The following SLC22A23 variants were observed in gnomAD, a reference collection of about 807,000 sequenced individuals.
The protein encoded by SLC22A23 is ion transporter protein.
In SLC22A23, 26 loss-of-function variants were observed where a neutral mutation model predicts 61.0. That is an observed-to-expected ratio of 0.43 (90% CI 0.31 to 0.59). The LOEUF (loss-of-function observed/expected upper bound fraction) is 0.59. Ranked by LOEUF, SLC22A23 falls within the 20% of genes least tolerant of loss-of-function variation. SLC22A23 has a pLI of 0.11. For synonymous variants in SLC22A23, 430 were observed against 413.9 expected (o/e 1.04, Z -0.47); for missense variants, 796 against 934.7 (o/e 0.85, Z 1.94).
chr6:3,397,788 A>C (rs1342410503), intron 3 of SLC22A23, among the ~76,000 whole-genome samples: 1 of 152,186 alleles, frequency 6.6e-6, no homozygotes, highest in Non-Finnish European at 1.5e-5. Context: ...GGAGGTCTCA[A>C]GCCAAGATTC....
chr6:3,300,859 T>G (rs1293659023), intron 4 of SLC22A23, among the ~76,000 whole-genome samples: 1 of 152,340 alleles, frequency 6.6e-6, no homozygotes, highest in South Asian at 2.1e-4. Flanking sequence ...TCTGGAAGAC[T>G]TGGGAGCTTC....
intron 3 of SLC22A23, among the ~76,000 whole-genome samples, chr6:3,353,317 T>C (rs1278510492): frequency 2.6e-5 from 4 of 152,200 alleles, no homozygotes; most frequent in African/African-American, 9.6e-5. Flanking sequence ...AGATTTCCTA[T>C]ACCACAGCCA....
At chr6:3,449,691 G>A (rs1159601574) in intron 1 of SLC22A23, among the ~76,000 whole-genome samples, 1 of 152,144 alleles carries the variant, frequency 6.6e-6, no homozygotes, top group African/African-American at 2.4e-5. Flanking sequence ...GAGGGTGTAG[G>A]GAACAGAACC....
In SLC22A23 at chr6:3,317,313, T is replaced by C. The variant is rs1762698408; in HGVS notation, c.1082+6521A>G. On this transcript the variant is annotated intron_variant, in intron 4 of 9. Transcript: ENST00000406686. This position sits in a 1 kb window ranked among gnomAD's most constrained non-coding sequence, Gnocchi z 4.4. ...GAAGGAGCTCTGTCATTAAGCCATG[T>C]GCCCAGTGCAGGCTGTGGCCACCTG... 6.6e-6 allele frequency among the ~76,000 whole-genome samples: 1 copy of C among 152,232 alleles called. No homozygotes were observed. Among genetic ancestry groups the C allele is most frequent in the Admixed American group, 6.5e-5 (1 of 15,290 alleles).
intron 1 of SLC22A23, among the ~76,000 whole-genome samples, chr6:3,420,370 C>G (rs1770040207): frequency 6.6e-6 from 1 of 151,894 alleles, no homozygotes; most frequent in Non-Finnish European, 1.5e-5. Context: ...AAACATTCAT[C>G]AAGGAGACTC....
chr6:3,433,429 A>G (rs1033289616), intron 1 of SLC22A23, among the ~76,000 whole-genome samples: 22 of 151,646 alleles, frequency 1.5e-4, no homozygotes, highest in African/African-American at 5.1e-4. Flanking sequence ...CCCTCCCCAC[A>G]CTCCTCCCAT....
At position 3,327,710 on chromosome 6, in the gene SLC22A23, C is replaced by G. The variant is rs879706805; in HGVS notation, c.914-3708G>C. Among the ~76,000 whole-genome samples the G allele has an allele frequency of 6.6e-6, 1 of 152,192 alleles. No homozygotes were observed. ...GAACATAGGTGCTATGTGTTACAAT[C>G]TCGTGCATTATTTTTCCAGATTTTG... On this transcript the variant is annotated intron_variant, in intron 3 of 9. Transcript: ENST00000406686. This position sits in a 1 kb window ranked among gnomAD's most constrained non-coding sequence, Gnocchi z 4.1.
chr6:3,275,593 A>C (rs1758817590), intron 9 of SLC22A23, among the ~76,000 whole-genome samples: 1 of 152,216 alleles, frequency 6.6e-6, no homozygotes, highest in Non-Finnish European at 1.5e-5. Flanking sequence ...AGAATATATA[A>C]AGAACTTTTT....
At chr6:3,278,585 CG>C (rs1298017698) in intron 9 of SLC22A23, among the ~76,000 whole-genome samples, 1 of 152,182 alleles carries the variant, frequency 6.6e-6, no homozygotes, top group African/African-American at 2.4e-5. Context: ...TAATAAATAC[CG>C]GATGCTTGCG....
Position 3,424,716 on chromosome 6 carries a change from G to A in SLC22A23, c.655-8861C>T, listed in dbSNP as rs192813431. 3.3e-5 allele frequency among the ~76,000 whole-genome samples: 5 copies of A among 152,334 alleles called. No homozygotes were observed. The East Asian group carries it at 9.6e-4, about 29-fold the overall frequency. Reference sequence around the variant, plus strand: ...CAGGCCAAACACAGCCCTGCTGTCTGTGTTTGTAAATAAAGTTTTATTGGC... The same window carrying A: ...CAGGCCAAACACAGCCCTGCTGTCTATGTTTGTAAATAAAGTTTTATTGGC... On this transcript the variant is annotated intron_variant, in intron 1 of 9. Transcript: ENST00000406686.
At chr6:3,436,485 G>A (rs1771220314) in intron 1 of SLC22A23, among the ~76,000 whole-genome samples, 1 of 152,136 alleles carries the variant, frequency 6.6e-6, no homozygotes, top group African/African-American at 2.4e-5. Flanking sequence ...TCTGCTACTT[G>A]CAGCATCCTG....
chr6:3,440,091 C>T (rs768715103), intron 1 of SLC22A23, among the ~76,000 whole-genome samples: 4 of 152,036 alleles, frequency 2.6e-5, no homozygotes, highest in Non-Finnish European at 5.9e-5. Context: ...GACCAAAACA[C>T]TGGGATTTAG....
chr6:3,316,925 G>C (rs1762678255), intron 4 of SLC22A23, among the ~76,000 whole-genome samples: 1 of 152,124 alleles, frequency 6.6e-6, no homozygotes, highest in African/African-American at 2.4e-5. Flanking sequence ...CAAATTTTGT[G>C]TTATCAATGA....
intron 1 of SLC22A23, 96 bp downstream of exon 1, chr6:3,455,810 C>G: frequency 7.1e-7 from 1 of 1,399,970 alleles, no homozygotes; most frequent in Admixed American, 2.8e-5. Context: ...CACTCTAGCA[C>G]CACCACTTTG....
At chr6:3,423,282 G>A (rs1770269868) in intron 1 of SLC22A23, among the ~76,000 whole-genome samples, 5 of 136,794 alleles carry the variant, frequency 3.7e-5, no homozygotes. Flanking sequence ...AAAATACAAT[G>A]AGTCACTTTT....
chr6:3,413,683 G>GT (rs1385717142), intron 2 of SLC22A23, among the ~76,000 whole-genome samples: 5 of 152,224 alleles, frequency 3.3e-5, no homozygotes, highest in African/African-American at 4.8e-5. Context: ...GCCTTAGGAA[G>GT]CATATTGTAT....
At chr6:3,338,932 A>G (rs1284908029) in intron 3 of SLC22A23, among the ~76,000 whole-genome samples, 1 of 152,202 alleles carries the variant, frequency 6.6e-6, no homozygotes, top group African/African-American at 2.4e-5. Flanking sequence ...GGAGCAAGAG[A>G]GGTCCAAAGG....
intron 3 of SLC22A23, among the ~76,000 whole-genome samples, chr6:3,334,278 C>T (rs60583206): frequency 0.026 from 3,958 of 152,278 alleles, 193 homozygotes; most frequent in African/African-American, 0.091. Context: ...TCTTCCGCCT[C>T]AGCTTCTTGA....
At chr6:3,425,310 G>A (rs370733832) in intron 1 of SLC22A23, among the ~76,000 whole-genome samples, 37 of 109,450 alleles carry the variant, frequency 3.4e-4, no homozygotes, top group African/African-American at 1.2e-3. Context: ...TTTTTGAGAT[G>A]GAGTCTCACT....
Sources: allele counts gnomAD v4.1 joint callset (sites outside exome capture counted in the v4.1 genomes callset), GRCh38; gene constraint gnomAD v4.1.1; non-coding constraint Gnocchi (gnomAD v3.1); transcripts MANE v1.5; gene names NCBI Gene and HGNC (gene_info 2026-07-23, HGNC 2026-07-21).